PCBD2: variants seen among roughly 807,000 people sequenced by gnomAD.
PCBD2 encodes the protein pterin-4-alpha-carbinolamine dehydratase 2.
PCBD2 carries 12 observed loss-of-function variants against 16.4 expected under a neutral mutation model. The ratio of observed to expected loss-of-function variants is 0.73; its 90% CI spans 0.47 to 1.19. The LOEUF is 1.19. Among genes scored for constraint, PCBD2 ranks in the 50% most tolerant of loss-of-function variants. The probability of loss-of-function intolerance (pLI) is 0.00; values close to 1 mark genes in which losing one functional copy is unlikely to be tolerated. For synonymous variants in PCBD2, 58 were observed against 61.8 expected (o/e 0.94, Z 0.29); for missense variants, 138 against 156.8 (o/e 0.88, Z 0.64).
intron 2 of PCBD2, among the ~76,000 whole-genome samples, chr5:134,934,934 G>A (rs1413563944): frequency 6.6e-6 from 1 of 152,160 alleles, no homozygotes; most frequent in Non-Finnish European, 1.5e-5. Flanking sequence ...CAGTATTGTA[G>A]AAGCTATCCA....
intron 2 of PCBD2, among the ~76,000 whole-genome samples, chr5:134,958,649 A>G (rs1751440164): frequency 6.6e-6 from 1 of 152,216 alleles, no homozygotes; most frequent in Admixed American, 6.5e-5. Context: ...CACTAAAAAC[A>G]AAAGGAACAG....
chr5:134,918,168 C>A (rs1750855056), intron 2 of PCBD2, among the ~76,000 whole-genome samples: 1 of 152,172 alleles, frequency 6.6e-6, no homozygotes, highest in African/African-American at 2.4e-5. Context: ...GGGAAGCACT[C>A]CCAAAGAGGA....
intron 2 of PCBD2, among the ~76,000 whole-genome samples, chr5:134,934,963 A>C (rs914636439): frequency 3.9e-5 from 6 of 152,232 alleles, no homozygotes; most frequent in Admixed American, 6.5e-5. Flanking sequence ...CTTCATAACT[A>C]TATTTTAAAA....
intron 2 of PCBD2, among the ~76,000 whole-genome samples, chr5:134,943,897 A>C (rs949778934): frequency 6.6e-6 from 1 of 152,246 alleles, no homozygotes; most frequent in African/African-American, 2.4e-5. Context: ...AAATTAATAA[A>C]CTTGTAACAA....
chr5:134,921,244 G>T (rs896078325), intron 2 of PCBD2, among the ~76,000 whole-genome samples: 1 of 152,242 alleles, frequency 6.6e-6, no homozygotes, highest in Non-Finnish European at 1.5e-5. Flanking sequence ...GTTTTGCTGG[G>T]GAGGTGGCAC....
In PCBD2 at chr5:134,906,855, G is replaced by T. The variant is rs1750697318; in HGVS notation, c.84+1632G>T. Among the ~76,000 whole-genome samples, 4 of 152,354 alleles carry T rather than the reference G, an allele frequency of 2.6e-5. No individual in the cohort carries two copies. In the South Asian group the frequency reaches 6.2e-4, roughly 24 times the overall value. On this transcript the variant is annotated intron_variant, in intron 1 of 3. Transcript: ENST00000254908. ...GTAACAAAGTTAGGCCTTAGATCTA[G>T]TTTACTCTCTTCAAATCCTAGCCTA... is the stretch of plus-strand genomic sequence containing the variant.
intron 2 of PCBD2, among the ~76,000 whole-genome samples, chr5:134,939,873 C>G (rs768699205): frequency 6.6e-6 from 1 of 152,184 alleles, no homozygotes; most frequent in South Asian, 2.1e-4. Context: ...AACCAGCCCT[C>G]TCTTCCTAAA....
chr5:134,924,089 ATCATT>A (rs2149532823), intron 2 of PCBD2: 3 of 397,678 alleles, frequency 7.5e-6, no homozygotes, highest in Non-Finnish European at 8.9e-6. Context: ...GGTTTTTCAT[ATCATT>A]GGTCGTGGTT....
intron 1 of PCBD2, among the ~76,000 whole-genome samples, chr5:134,907,105 A>G (rs1441948231): frequency 6.6e-6 from 1 of 152,232 alleles, no homozygotes; most frequent in Non-Finnish European, 1.5e-5. Flanking sequence ...AGTGTGTTCT[A>G]CAGACTCCAG....
chr5:134,946,308 T>G (rs1433669195), intron 2 of PCBD2, among the ~76,000 whole-genome samples: 1 of 152,110 alleles, frequency 6.6e-6, no homozygotes, highest in African/African-American at 2.4e-5. Context: ...AACCTGTGTG[T>G]GGATTTTGAA....
At chr5:134,931,662 C>A (rs141391560) in intron 2 of PCBD2, among the ~76,000 whole-genome samples, 1 of 152,332 alleles carries the variant, frequency 6.6e-6, no homozygotes, top group Non-Finnish European at 1.5e-5. Flanking sequence ...GGTGACTGCT[C>A]TTCTCTTAAC....
At chr5:134,920,164 T>G (rs991539383) in intron 2 of PCBD2, among the ~76,000 whole-genome samples, 7 of 152,228 alleles carry the variant, frequency 4.6e-5, no homozygotes, top group African/African-American at 1.7e-4. Context: ...TCCCCTGTGT[T>G]GCAGAGAATT....
chr5:134,927,061 G>T, intron 2 of PCBD2: 1 of 398,606 alleles, frequency 2.5e-6, no homozygotes, highest in Non-Finnish European at 4.4e-6. Flanking sequence ...AGGCAGAATA[G>T]TAATGAGGAT....
intron 2 of PCBD2, chr5:134,925,074 T>C (rs1750968413): frequency 5.1e-6 from 2 of 395,992 alleles, no homozygotes; most frequent in African/African-American, 2.1e-5. Flanking sequence ...ACCCTGCAAA[T>C]AGGCTTCCGA....
chr5:134,930,500 G>A (rs1387838384), intron 2 of PCBD2, among the ~76,000 whole-genome samples: 1 of 152,226 alleles, frequency 6.6e-6, no homozygotes, highest in African/African-American at 2.4e-5. Flanking sequence ...CTAAGTTGCT[G>A]TGTCTGAGAG....
intron 2 of PCBD2, among the ~76,000 whole-genome samples, chr5:134,946,136 A>G (rs1751292831): frequency 6.6e-6 from 1 of 151,554 alleles, no homozygotes; most frequent in South Asian, 2.1e-4. Flanking sequence ...CTTTCCATCT[A>G]TAAGGGTAGG....
chr5:134,926,269 G>C (rs963653026), intron 2 of PCBD2: 6 of 339,244 alleles, frequency 1.8e-5, no homozygotes, highest in Non-Finnish European at 3.2e-5. Flanking sequence ...GTGTCAGTTT[G>C]AGATAATGAC....
In PCBD2 at chr5:134,953,782, C is replaced by A. The variant is rs1346912746; in HGVS notation, c.217-5258C>A. The stretch of plus-strand genomic sequence containing the variant: ...TGCCACTGCACTCCAGCCTGGGCGA[C>A]AGAGTGAGACTCCATCTTAATAACA... On this transcript the variant is annotated intron_variant, in intron 2 of 3. Transcript: ENST00000254908. 2.6e-5 allele frequency among the ~76,000 whole-genome samples: 4 copies of A among 152,232 alleles called. No homozygotes were observed. In the East Asian group the frequency reaches 7.7e-4, roughly 29 times the overall value.
chr5:134,912,455 CA>C (rs1750780886), intron 2 of PCBD2, among the ~76,000 whole-genome samples: 1 of 152,100 alleles, frequency 6.6e-6, no homozygotes, highest in African/African-American at 2.4e-5. Context: ...GGGGTGAGCC[CA>C]TATAGGATTT....
Sources: gnomAD v4.1 joint callset for allele counts (sites outside exome capture counted in the v4.1 genomes callset) on GRCh38, gnomAD v4.1.1 for gene constraint, MANE v1.5 for transcripts, NCBI Gene and HGNC (gene_info 2026-07-23, HGNC 2026-07-21) for gene names.